KCNMA1: variants seen among roughly 807,000 people sequenced by gnomAD.
The protein encoded by KCNMA1 is Calcium-activated potassium channel subunit alpha-1.
In KCNMA1, 29 loss-of-function variants were observed where a neutral mutation model predicts 140.0. The ratio of observed to expected loss-of-function variants is 0.21; its 90% CI spans 0.15 to 0.28. The LOEUF (loss-of-function observed/expected upper bound fraction) is 0.28. KCNMA1 is among the 10% of genes least tolerant of loss of function. The pLI is 1.00. For missense variants in KCNMA1, 880 were observed against 1,602.2 expected, an observed-to-expected ratio of 0.55 and a Z score of 7.70; for synonymous variants, 612 against 611.9, an observed-to-expected ratio of 1.00 and a Z score of 0.00.
chr10:77,438,016 G>A (rs985029062), intron 1 of KCNMA1, among the ~76,000 whole-genome samples: 11 of 152,150 alleles, frequency 7.2e-5, no homozygotes, highest in African/African-American at 2.4e-4. Flanking sequence ...TGCTGCCAGT[G>A]TAGAGAAGTT....
At chr10:77,131,231 T>C (rs1216099795) in intron 5 of KCNMA1, among the ~76,000 whole-genome samples, 1 of 152,130 alleles carries the variant, frequency 6.6e-6, no homozygotes, top group African/African-American at 2.4e-5. Context: ...CAGTAGCATA[T>C]CTCAGTACTC....
chr10:77,483,529 C>T (rs2098426495), intron 1 of KCNMA1, among the ~76,000 whole-genome samples: 1 of 152,160 alleles, frequency 6.6e-6, no homozygotes, highest in Non-Finnish European at 1.5e-5. Context: ...GGGCTCTCTT[C>T]CCCGATCACC....
At chr10:77,093,879 A>T (rs1158135149) in intron 9 of KCNMA1, among the ~76,000 whole-genome samples, 1 of 152,240 alleles carries the variant, frequency 6.6e-6, no homozygotes, top group South Asian at 2.1e-4. Flanking sequence ...TGATGCCTAC[A>T]TATCTACCAT....
At chr10:77,634,550 C>CACATGCTACAAA (rs67737848) in intron 1 of KCNMA1, 1 of 983,052 alleles carries the variant, frequency 1.0e-6, no homozygotes, top group Non-Finnish European at 1.2e-6. Context: ...CACAGAATTT[C>CACATGCTACAAA]AGACCTGCTT....
intron 1 of KCNMA1, among the ~76,000 whole-genome samples, chr10:77,436,905 A>G (rs1489428254): frequency 2.0e-5 from 3 of 150,376 alleles, no homozygotes; most frequent in Non-Finnish European, 4.4e-5. Flanking sequence ...CCAGGCTAGC[A>G]AGGGAGGGGA....
intron 1 of KCNMA1, among the ~76,000 whole-genome samples, chr10:77,407,222 G>T (rs918058294): frequency 6.6e-6 from 1 of 152,172 alleles, no homozygotes; most frequent in African/African-American, 2.4e-5. Flanking sequence ...TTTAAAGCCT[G>T]ATGCCAGCCG....
intron 5 of KCNMA1, among the ~76,000 whole-genome samples, chr10:77,174,720 C>G (rs180936352): frequency 2.0e-5 from 3 of 152,318 alleles, no homozygotes; most frequent in African/African-American, 7.2e-5. Context: ...CACCTGAGAG[C>G]TGGTGGAAAT....
chr10:77,017,682 C>T lies in KCNMA1; in HGVS notation c.2015+1331G>A, dbSNP rs187878123. Among the ~76,000 whole-genome samples the T allele has an allele frequency of 7.6e-4, 115 of 152,276 alleles. 1 individual carries two copies. The highest frequency in any genetic ancestry group is 5.8e-3 in the Admixed American group (89 of 15,290). ...GGAGGAAGAGGACCCTAAGTATCCA[C>T]GGTCACATGTCATCGTTCTGTGCTC... On this transcript the variant is annotated intron_variant, in intron 17 of 27. Transcript: ENST00000286628.
chr10:77,550,805 T>C (rs981552544), intron 1 of KCNMA1, among the ~76,000 whole-genome samples: 1 of 152,140 alleles, frequency 6.6e-6, no homozygotes, highest in South Asian at 2.1e-4. Flanking sequence ...GACTCTGAGG[T>C]TGTCCAGGTG....
chr10:77,231,931 G>A (rs1003920784), intron 3 of KCNMA1, among the ~76,000 whole-genome samples: 1 of 152,144 alleles, frequency 6.6e-6, no homozygotes, highest in African/African-American at 2.4e-5. Flanking sequence ...GTAGCCTTCA[G>A]CTATCAACCC....
intron 1 of KCNMA1, among the ~76,000 whole-genome samples, chr10:77,480,248 C>T (rs1442513895): frequency 6.6e-6 from 1 of 152,242 alleles, no homozygotes; most frequent in East Asian, 1.9e-4. Flanking sequence ...GAGCTGGCTA[C>T]AGGCCAATGA....
intron 1 of KCNMA1, among the ~76,000 whole-genome samples, chr10:77,441,994 G>A (rs1603620441): frequency 6.6e-6 from 1 of 152,176 alleles, no homozygotes; most frequent in African/African-American, 2.4e-5. Flanking sequence ...GATGAGCTAG[G>A]GACAGCCCTG....
chr10:77,173,326 G>A (rs1366442222), intron 5 of KCNMA1, among the ~76,000 whole-genome samples: 1 of 152,078 alleles, frequency 6.6e-6, no homozygotes, highest in Non-Finnish European at 1.5e-5. Context: ...GAGGTAGATT[G>A]CCTGAGATCA....
chr10:77,177,135 C>G (rs1048858682), intron 5 of KCNMA1, among the ~76,000 whole-genome samples: 1 of 151,988 alleles, frequency 6.6e-6, no homozygotes. Context: ...CTGGAGAGAC[C>G]CATGTTGGAC....
chr10:77,567,677 G>T lies in KCNMA1; in HGVS notation c.378+69588C>A, dbSNP rs187993802. On this transcript the variant is annotated intron_variant, in intron 1 of 27. Coordinates refer to ENST00000286628, the MANE Select transcript of KCNMA1 (RefSeq NM_001161352.2). Reference sequence around the variant, plus strand: ...CAAATTACACAAGAGGATCCAAGGGGCTGCAGTGTAACCCAAGGTGACACA... The same window carrying T: ...CAAATTACACAAGAGGATCCAAGGGTCTGCAGTGTAACCCAAGGTGACACA... Among the ~76,000 whole-genome samples the T allele has an allele frequency of 4.5e-4, 69 of 152,312 alleles. 1 individual carries two copies. The East Asian group carries it at 8.7e-3, about 19-fold the overall frequency.
At chr10:77,164,077 T>C (rs2098604701) in intron 5 of KCNMA1, among the ~76,000 whole-genome samples, 2 of 152,192 alleles carry the variant, frequency 1.3e-5, no homozygotes, top group Non-Finnish European at 2.9e-5. Context: ...CTCGGCATTC[T>C]GCAATTTGTC....
chr10:77,323,020 C>T (rs937257312), intron 2 of KCNMA1, among the ~76,000 whole-genome samples: 1 of 152,134 alleles, frequency 6.6e-6, no homozygotes, highest in Non-Finnish European at 1.5e-5. Context: ...TTGACTGGGA[C>T]CAAACCAAGA....
At chr10:77,391,804 C>G (rs1426105199) in intron 2 of KCNMA1, among the ~76,000 whole-genome samples, 1 of 151,808 alleles carries the variant, frequency 6.6e-6, no homozygotes, top group African/African-American at 2.4e-5. Flanking sequence ...TGCGTGTGGT[C>G]CCGAGTGTGA....
chr10:77,297,213 C>T (rs2075388890), intron 2 of KCNMA1, among the ~76,000 whole-genome samples: 1 of 152,196 alleles, frequency 6.6e-6, no homozygotes, highest in African/African-American at 2.4e-5. Context: ...CACATTCCCA[C>T]TGTCTCTTGT....
Sources: gnomAD v4.1 joint callset for allele counts (sites outside exome capture counted in the v4.1 genomes callset) on GRCh38, gnomAD v4.1.1 for gene constraint, MANE v1.5 for transcripts, NCBI Gene and HGNC (gene_info 2026-07-23, HGNC 2026-07-21) for gene names.